NRXN3: variants seen among roughly 807,000 people sequenced by gnomAD.
NRXN3 encodes the protein neurexin 3.
In NRXN3, 32 loss-of-function variants were observed where a neutral mutation model predicts 137.6. That is an observed-to-expected ratio of 0.23 (90% CI 0.18 to 0.31). NRXN3 has a LOEUF of 0.31. NRXN3 is among the 10% of genes least tolerant of loss of function. The pLI, the probability that NRXN3 is intolerant of heterozygous loss-of-function variation, is 1.00. For missense variants in NRXN3, 1,574 were observed against 2,062.5 expected, an observed-to-expected ratio of 0.76 and a Z score of 4.59; for synonymous variants, 798 against 784.5, an observed-to-expected ratio of 1.02 and a Z score of -0.29.
chr14:78,267,629 A>G (rs2153482382), intron 2 of NRXN3, among the ~76,000 whole-genome samples: 1 of 151,758 alleles, frequency 6.6e-6, no homozygotes, highest in South Asian at 2.1e-4. Flanking sequence ...ATGCAGCTGT[A>G]CTCTAGCTTG....
intron 1 of NRXN3, among the ~76,000 whole-genome samples, chr14:78,211,789 G>A (rs2062771933): frequency 6.6e-6 from 1 of 152,244 alleles, no homozygotes; most frequent in Non-Finnish European, 1.5e-5. Flanking sequence ...GGTCAGAACT[G>A]TTAGGGAGGA....
intron 15 of NRXN3, among the ~76,000 whole-genome samples, chr14:79,065,470 A>T (rs960438682): frequency 6.6e-6 from 1 of 152,160 alleles, no homozygotes; most frequent in South Asian, 2.1e-4. Context: ...CCTATGGCAG[A>T]TATTTTGAAT....
intron 15 of NRXN3, among the ~76,000 whole-genome samples, chr14:79,233,903 A>G (rs1354111067): frequency 6.6e-6 from 1 of 152,044 alleles, no homozygotes; most frequent in Non-Finnish European, 1.5e-5. Context: ...AACCAAGTCT[A>G]AACTGGTTAC....
At chr14:78,601,969 AG>A (rs2097205808) in intron 4 of NRXN3, among the ~76,000 whole-genome samples, 1 of 152,188 alleles carries the variant, frequency 6.6e-6, no homozygotes, top group Admixed American at 6.5e-5. Flanking sequence ...TTCTAAGGTT[AG>A]GAAAATGCTA....
chr14:78,884,257 T>G (rs1197921465), intron 10 of NRXN3, among the ~76,000 whole-genome samples: 2 of 152,180 alleles, frequency 1.3e-5, no homozygotes, highest in African/African-American at 4.8e-5. Flanking sequence ...ATTTATTTTT[T>G]GGGTATTTTT....
intron 4 of NRXN3, among the ~76,000 whole-genome samples, chr14:78,387,783 T>C (rs1416034938): frequency 6.6e-6 from 1 of 152,246 alleles, no homozygotes; most frequent in Non-Finnish European, 1.5e-5. Context: ...GACTGCCTTC[T>C]TTCCTATGGT....
intron 16 of NRXN3, among the ~76,000 whole-genome samples, chr14:79,616,357 T>C (rs750596745): frequency 3.3e-5 from 5 of 152,018 alleles, no homozygotes; most frequent in Non-Finnish European, 7.4e-5. Context: ...ACAGAAGTGA[T>C]GGGTGGGGAG....
At chr14:78,891,564 T>C (rs1412788587) in intron 10 of NRXN3, among the ~76,000 whole-genome samples, 1 of 151,900 alleles carries the variant, frequency 6.6e-6, no homozygotes, top group Non-Finnish European at 1.5e-5. Context: ...ATTACATGGG[T>C]TAACTGACAA....
chr14:79,503,386 T>G (rs1019415747), intron 16 of NRXN3, among the ~76,000 whole-genome samples: 6 of 152,172 alleles, frequency 3.9e-5, no homozygotes, highest in African/African-American at 1.4e-4. Flanking sequence ...CAGACTCTAC[T>G]TTCTCCATTC....
At chr14:78,941,804 C>T (rs1050002503) in intron 10 of NRXN3, among the ~76,000 whole-genome samples, 5 of 152,300 alleles carry the variant, frequency 3.3e-5, no homozygotes, top group African/African-American at 7.2e-5. Context: ...TCATTATCCC[C>T]GCTGGTCTCC....
At chr14:79,761,700 A>G (rs886875085) in intron 19 of NRXN3, among the ~76,000 whole-genome samples, 1 of 151,076 alleles carries the variant, frequency 6.6e-6, no homozygotes, top group Non-Finnish European at 1.5e-5. Context: ...AAAAAAAAAA[A>G]AAAAAAAAAT....
In NRXN3 at chr14:78,574,526, G is replaced by A. The variant is rs527279823; in HGVS notation, c.758-70594G>A. On this transcript the variant is annotated intron_variant, in intron 4 of 20. Coordinates refer to ENST00000335750, the MANE Select transcript of NRXN3 (RefSeq NM_001330195.2). Reference sequence around the variant, plus strand: ...CCTGGATGTTAGACACAGAGTCAAAGGAGATAATTTTGGAGCTTTAAGATT... The same window carrying A: ...CCTGGATGTTAGACACAGAGTCAAAAGAGATAATTTTGGAGCTTTAAGATT... Among the ~76,000 whole-genome samples, 110 of 152,320 alleles carry A rather than the reference G, an allele frequency of 7.2e-4. 1 individual carries two copies. Among genetic ancestry groups the A allele is most frequent in the Middle Eastern group, 3.4e-3 (1 of 294 alleles).
At position 79,708,345 on chromosome 14, in the gene NRXN3, T is replaced by G. The variant is rs377404615; in HGVS notation, c.4014+10408T>G. ...CATGCAAATACTATGCCATTTTATA[T>G]TGAGGACTTGAGGATTTTGCCATCC... On this transcript the variant is annotated intron_variant, in intron 19 of 20. Transcript: ENST00000335750. Among the ~76,000 whole-genome samples, 211 of 152,250 alleles carry G rather than the reference T, an allele frequency of 1.4e-3. 1 individual carries two copies. The highest frequency in any genetic ancestry group is 4.9e-3 in the African/African-American group (203 of 41,544).
At chr14:78,651,458 A>G in intron 6 of NRXN3, 132 bp downstream of exon 6, 1 of 1,074,514 alleles carries the variant, frequency 9.3e-7, no homozygotes, top group Non-Finnish European at 1.3e-6. Flanking sequence ...ACAACCTTGA[A>G]CTTGGAAGTA....
intron 4 of NRXN3, among the ~76,000 whole-genome samples, chr14:78,475,822 A>C (rs958400888): frequency 6.6e-6 from 1 of 152,216 alleles, no homozygotes; most frequent in Non-Finnish European, 1.5e-5. Flanking sequence ...AGGAAGAAGA[A>C]TGATAGAACT....
At chr14:78,286,152 G>C (rs2075147948) in intron 3 of NRXN3, among the ~76,000 whole-genome samples, 1 of 152,190 alleles carries the variant, frequency 6.6e-6, no homozygotes, top group South Asian at 2.1e-4. Flanking sequence ...CAAGGCCAGA[G>C]TTTTAGCTGG....
At chr14:78,273,762 A>G (rs2073153865) in intron 2 of NRXN3, among the ~76,000 whole-genome samples, 1 of 152,332 alleles carries the variant, frequency 6.6e-6, no homozygotes, top group African/African-American at 2.4e-5. Flanking sequence ...ACCAGGTAAG[A>G]TTGATCTAGG....
At chr14:78,674,607 G>A (rs956619550) in intron 6 of NRXN3, among the ~76,000 whole-genome samples, 1 of 152,100 alleles carries the variant, frequency 6.6e-6, no homozygotes, top group African/African-American at 2.4e-5. Flanking sequence ...TTGTGGTTTC[G>A]GTGCTGATCC....
intron 19 of NRXN3, among the ~76,000 whole-genome samples, chr14:79,773,634 G>T (rs1206088864): frequency 5.3e-5 from 6 of 113,236 alleles, no homozygotes; most frequent in East Asian, 3.2e-4. Flanking sequence ...GTTTTGGGGT[G>T]GGGGGAGGGG....
Sources: gnomAD v4.1 joint callset for allele counts (sites outside exome capture counted in the v4.1 genomes callset) on GRCh38, gnomAD v4.1.1 for gene constraint, MANE v1.5 for transcripts, NCBI Gene and HGNC (gene_info 2026-07-23, HGNC 2026-07-21) for gene names.